NCAN: variants seen among roughly 807,000 people sequenced by gnomAD.
The protein encoded by NCAN is neurocan core protein.
NCAN carries 47 observed loss-of-function variants against 121.8 expected under a neutral mutation model. The observed-to-expected ratio is 0.39, with a 90% confidence interval of 0.31 to 0.49. The LOEUF (loss-of-function observed/expected upper bound fraction) is 0.49, where lower values mean the gene tolerates loss of function less well. Ranked by LOEUF, NCAN falls within the 20% of genes least tolerant of loss-of-function variation. NCAN has a pLI of 0.92. For missense variants in NCAN, 1,517 were observed against 1,773.4 expected (o/e 0.86, Z 2.60); for synonymous variants, 633 against 702.0 (o/e 0.90, Z 1.55).
intron 1 of NCAN, among the ~76,000 whole-genome samples, chr19:19,213,165 C>T (rs1337577801): frequency 2.0e-5 from 3 of 152,138 alleles, no homozygotes; most frequent in African/African-American, 7.2e-5. Flanking sequence ...GGTGGGTGCA[C>T]TGTGGGACCC....
At chr19:19,233,574 G>A (rs949024023) in intron 8 of NCAN, among the ~76,000 whole-genome samples, 40 of 152,196 alleles carry the variant, frequency 2.6e-4, no homozygotes, top group African/African-American at 9.2e-4. Context: ...AGGCAGGAAA[G>A]TCCCCAGATG....
At chr19:19,249,711 C>T in intron 14 of NCAN, 55 bp from the exon 15 acceptor site, 1 of 1,544,688 alleles carries the variant, frequency 6.5e-7, no homozygotes, top group Non-Finnish European at 8.7e-7. Flanking sequence ...TGCATCAGGC[C>T]ACCTGCCTCT....
rs1228716976 is a variant in NCAN, at chr19:19,248,848, C to T, written c.3786C>T (p.Gly1262=). 2 of 1,614,104 alleles carry T rather than the reference C, an allele frequency of 1.2e-6. No individual in the cohort carries two copies. ...CCACCATTCGATGCCGGAGCAATGG[C>T]AAGTGGGACAGGCCCCAAATTGTCT... ...HVATIRCRSN[G]KWDRPQIVCT... is the part of the protein sequence containing the mutation. The change falls in exon 14 of 15, where the codon GGC becomes GGT. Residue 1262 remains glycine (G), a synonymous_variant. Coordinates refer to ENST00000252575, the MANE Select transcript of NCAN (RefSeq NM_004386.3).
At chr19:19,241,543 A>G (rs971539029) in intron 12 of NCAN, among the ~76,000 whole-genome samples, 1 of 152,062 alleles carries the variant, frequency 6.6e-6, no homozygotes, top group African/African-American at 2.4e-5. Context: ...TTCCTCACAC[A>G]GTTAAACATA....
Position 19,235,007 on chromosome 19 carries a change from C to T in NCAN, c.3161C>T (p.Pro1054Leu). The change falls in exon 10 of 15, where the codon CCC becomes CTC. Residue 1054 changes from proline to leucine, a missense_variant. Physicochemically the swap from Pro to Leu is moderately conservative, Grantham distance 98 (BLOSUM62 -3). Coordinates refer to ENST00000252575, the MANE Select transcript of NCAN (RefSeq NM_004386.3). ...GACATTGATGACTGCCTCTGCAGCC[C>T]CTGTGAGAATGGAGGCACCTGTATT... ...EIDIDDCLCS[P>L]CENGGTCIDE... 1 of 1,611,792 alleles carries T rather than the reference C, an allele frequency of 6.2e-7. No individual in the cohort carries two copies. Among genetic ancestry groups the T allele is most frequent in the Non-Finnish European group, 8.5e-7 (1 of 1,178,354 alleles).
rs1353425931 is a variant in NCAN at position 19,227,062 on chromosome 19, T to C, written c.1649T>C (p.Met550Thr). 1 of 1,509,742 alleles carries C rather than the reference T, an allele frequency of 6.6e-7. No individual in the cohort carries two copies. The highest frequency in any genetic ancestry group is 2.3e-5 in the East Asian group (1 of 43,710). The allele number at this position is 1,509,742 out of a possible 1,614,324, so 93.5% of individuals were successfully genotyped here. The change falls in exon 7 of 15, where the codon ATG (methionine) becomes ACG (threonine). Residue 550 changes from methionine (M) to threonine (T), a missense_variant. Physicochemically the swap from Met to Thr is moderately conservative, Grantham distance 81. Coordinates refer to ENST00000252575, the MANE Select transcript of NCAN (RefSeq NM_004386.3). The surrounding 1 kb of genome is among the most constrained non-coding windows in gnomAD (Gnocchi z 4.2). ...PWADLTNEVD[M>T]PGAGSAGGKS... is the part of the protein sequence containing the mutation. ...GCTGATCTGACCAATGAGGTGGATA[T>C]GCCTGGAGCTGGTGAGTTGCTCTGG...
intron 3 of NCAN, among the ~76,000 whole-genome samples, chr19:19,220,710 G>A (rs2146538488): frequency 6.6e-6 from 1 of 152,098 alleles, no homozygotes; most frequent in African/African-American, 2.4e-5. Context: ...GCCCACCTCG[G>A]CCTCCCAAAG....
In NCAN at chr19:19,220,957, G is replaced by A. The variant is rs547371047; in HGVS notation, c.475+1641G>A. Reference sequence around the variant, plus strand: ...CAAAAAACAAAAAACGGGGATGGGGGCCCAGTGGCTCATGTCTGTAATCCC... The same window carrying A: ...CAAAAAACAAAAAACGGGGATGGGGACCCAGTGGCTCATGTCTGTAATCCC... On this transcript the variant is annotated intron_variant, in intron 3 of 14. Transcript: ENST00000252575. Among the ~76,000 whole-genome samples, 17 of 152,084 alleles carry A rather than the reference G, an allele frequency of 1.1e-4. No individual in the cohort carries two copies. In the East Asian group the frequency reaches 2.5e-3, roughly 22 times the overall value.
Position 19,248,791 on chromosome 19 carries a change from G to A in NCAN, c.3729G>A (p.Gln1243=). Residue 1243 remains glutamine, a synonymous_variant, in exon 14 of 15, where the codon CAG becomes CAA. Coordinates refer to ENST00000252575, the MANE Select transcript of NCAN (RefSeq NM_004386.3). ...KYNVHATVRY[Q]CNEGFAQHHV... ...ATGTCCATGCCACTGTAAGGTACCAGTGCAATGAAGGATTTGCCCAGCACC... is the reference window on the plus strand; with the variant it reads ...ATGTCCATGCCACTGTAAGGTACCAATGCAATGAAGGATTTGCCCAGCACC... 1 of 1,614,208 alleles carries A rather than the reference G, an allele frequency of 6.2e-7. No homozygotes were observed. Among genetic ancestry groups the A allele is most frequent in the African/African-American group, 1.3e-5 (1 of 75,050 alleles).
intron 1 of NCAN, among the ~76,000 whole-genome samples, chr19:19,216,227 C>A (rs896461747): frequency 1.3e-5 from 2 of 152,140 alleles, no homozygotes; most frequent in African/African-American, 4.8e-5. Context: ...TAGCTCACTG[C>A]AGCCTTGAAC....
At chr19:19,223,087 G>A (rs543867142) in intron 3 of NCAN, among the ~76,000 whole-genome samples, 2 of 152,036 alleles carry the variant, frequency 1.3e-5, no homozygotes, top group East Asian at 3.9e-4. Flanking sequence ...GCAGCCTGGC[G>A]ACAGAGTGAG....
intron 12 of NCAN, among the ~76,000 whole-genome samples, chr19:19,241,904 A>G (rs373997853): frequency 1.4e-4 from 21 of 152,246 alleles, no homozygotes; most frequent in African/African-American, 5.1e-4. Flanking sequence ...CTTTAAATTT[A>G]TACACAGAGG....
Position 19,223,114 on chromosome 19 carries a change from T to TAAATA in NCAN, c.476-894_476-890dup, listed in dbSNP as rs1764582162. On this transcript the variant is annotated intron_variant, in intron 3 of 14. Coordinates refer to ENST00000252575, the MANE Select transcript of NCAN (RefSeq NM_004386.3). ...CAGAGTGAGATTCTGTCTCAAAAAA[T>TAAATA]AAATAAAATAAAATAAATAAAATAA... Among the ~76,000 whole-genome samples the TAAATA allele has an allele frequency of 2.0e-5, 3 of 148,530 alleles. No individual in the cohort carries two copies. In the South Asian group the frequency reaches 6.4e-4, roughly 32 times the overall value.
At chr19:19,229,554 C>T (rs1599815035) in intron 8 of NCAN, among the ~76,000 whole-genome samples, 1 of 152,166 alleles carries the variant, frequency 6.6e-6, no homozygotes, top group Admixed American at 6.5e-5. Context: ...GATAGCAAAC[C>T]GGGGCTCAGG....
chr19:19,239,116 C>T (rs947320029), intron 11 of NCAN, among the ~76,000 whole-genome samples: 1 of 152,116 alleles, frequency 6.6e-6, no homozygotes, highest in Non-Finnish European at 1.5e-5. Context: ...CCGTCCAGCG[C>T]CCACTGGCGT....
chr19:19,214,266 C>T (rs911158724), intron 1 of NCAN, among the ~76,000 whole-genome samples: 9 of 152,154 alleles, frequency 5.9e-5, no homozygotes, highest in African/African-American at 2.2e-4. Context: ...CCGAGCTGCC[C>T]CTCCTCCAGC....
chr19:19,215,563 CT>C (rs1180117557), intron 1 of NCAN, among the ~76,000 whole-genome samples: 3 of 152,088 alleles, frequency 2.0e-5, no homozygotes, highest in Admixed American at 1.3e-4. Context: ...CTCTGTGGGC[CT>C]AAGAAGTATC....
At chr19:19,219,464 G>T (rs1407665647) in intron 3 of NCAN, 148 bp downstream of exon 3, 19 of 871,194 alleles carry the variant, frequency 2.2e-5, no homozygotes, top group Non-Finnish European at 2.5e-5. Context: ...GCAGGCCAAG[G>T]CGGGTGGATT....
At chr19:19,244,382 A>G (rs548705630) in intron 12 of NCAN, among the ~76,000 whole-genome samples, 2 of 147,418 alleles carry the variant, frequency 1.4e-5, no homozygotes, top group Admixed American at 1.4e-4. Flanking sequence ...AACCCAGCTC[A>G]CTGCAACCTC....
Sources: gnomAD v4.1 joint callset for allele counts (sites outside exome capture counted in the v4.1 genomes callset) on GRCh38, gnomAD v4.1.1 for gene constraint, Gnocchi (gnomAD v3.1) non-coding constraint, MANE v1.5 for transcripts, NCBI Gene and HGNC (gene_info 2026-07-23, HGNC 2026-07-21) for gene names.